The following PDE4B variants were observed in gnomAD, a reference collection of about 807,000 sequenced individuals.
PDE4B encodes the protein 3',5'-cyclic-AMP phosphodiesterase 4B.
In PDE4B, 20 loss-of-function variants were observed where a neutral mutation model predicts 82.2. That is an observed-to-expected ratio of 0.24 (90% CI 0.17 to 0.35). The LOEUF is 0.35. Ranked by LOEUF, PDE4B falls within the 10% of genes least tolerant of loss-of-function variation. PDE4B has a pLI of 1.00. For missense variants in PDE4B, 655 were observed against 907.2 expected (o/e 0.72, Z 3.57); for synonymous variants, 320 against 318.9 (o/e 1.00, Z -0.04).
intron 3 of PDE4B, among the ~76,000 whole-genome samples, chr1:66,095,528 A>G (rs1294574403): frequency 6.6e-6 from 1 of 151,960 alleles, no homozygotes; most frequent in African/African-American, 2.4e-5. Flanking sequence ...AAAAGTACTA[A>G]GTAGTGACAA....
chr1:66,208,762 A>G (rs1032926305), intron 3 of PDE4B, among the ~76,000 whole-genome samples: 1 of 152,250 alleles, frequency 6.6e-6, no homozygotes, highest in African/African-American at 2.4e-5. Flanking sequence ...GAGTAGGTCA[A>G]TTAAATAAAT....
chr1:66,362,734 C>A (rs558796883), intron 10 of PDE4B, among the ~76,000 whole-genome samples: 1 of 152,272 alleles, frequency 6.6e-6, no homozygotes, highest in South Asian at 2.1e-4. Context: ...TCTTCCTGAT[C>A]TGGCCTTCAG....
At chr1:66,200,655 A>T (rs907439153) in intron 3 of PDE4B, among the ~76,000 whole-genome samples, 41 of 152,102 alleles carry the variant, frequency 2.7e-4, no homozygotes, top group African/African-American at 9.4e-4. Flanking sequence ...TTTGTCTGTT[A>T]TTGGTGTATA....
chr1:65,865,084 G>A (rs935586347), intron 1 of PDE4B, among the ~76,000 whole-genome samples: 3 of 152,210 alleles, frequency 2.0e-5, no homozygotes, highest in African/African-American at 7.2e-5. Context: ...ACTGCCCAGT[G>A]AGGAGGAATC....
chr1:66,240,081 T>C (rs1652771869), intron 3 of PDE4B, among the ~76,000 whole-genome samples: 1 of 152,230 alleles, frequency 6.6e-6, no homozygotes, highest in Admixed American at 6.5e-5. Context: ...AGGTGGTATT[T>C]GGTAGCACAT....
rs536543463 is a variant in PDE4B at position 66,171,041 on chromosome 1, C to T, written c.282-76419C>T. ...CAGTGCCTACCTGGCATGATACTTT[C>T]GGGTGGTGTTGATGAGTAAATCAGA... On this transcript the variant is annotated intron_variant, in intron 3 of 16. Transcript: ENST00000341517. Among the ~76,000 whole-genome samples the T allele has an allele frequency of 9.2e-5, 14 of 152,168 alleles. No individual in the cohort carries two copies. In the South Asian group the frequency reaches 1.9e-3, roughly 20 times the overall value.
intron 3 of PDE4B, among the ~76,000 whole-genome samples, chr1:66,210,768 C>A (rs1209866935): frequency 6.6e-6 from 1 of 151,574 alleles, no homozygotes; most frequent in African/African-American, 2.4e-5. Context: ...AGGTCCACAG[C>A]CAAAGTCATA....
intron 3 of PDE4B, among the ~76,000 whole-genome samples, chr1:66,228,597 C>G (rs1651663988): frequency 6.6e-6 from 1 of 151,034 alleles, no homozygotes; most frequent in African/African-American, 2.4e-5. Context: ...CCACTGCACT[C>G]CAGCCTGGGC....
chr1:66,045,188 T>A (rs774180007), intron 3 of PDE4B, among the ~76,000 whole-genome samples: 29 of 151,678 alleles, frequency 1.9e-4, no homozygotes, highest in Non-Finnish European at 3.1e-4. Flanking sequence ...TTTCTTAGTA[T>A]ATGTGCTGCT....
intron 3 of PDE4B, chr1:66,042,848 C>T: frequency 6.6e-6 from 1 of 151,880 alleles, no homozygotes; most frequent in Non-Finnish European, 1.5e-5. Context: ...TTTTGACTCT[C>T]TAATATCTTT....
chr1:66,055,995 C>T (rs928558365), intron 3 of PDE4B, among the ~76,000 whole-genome samples: 1 of 152,186 alleles, frequency 6.6e-6, no homozygotes, highest in African/African-American at 2.4e-5. Context: ...TCTGGCTACA[C>T]TTCCCTAGAA....
intron 3 of PDE4B, among the ~76,000 whole-genome samples, chr1:66,171,031 A>C (rs186728412): frequency 6.6e-6 from 1 of 152,216 alleles, no homozygotes; most frequent in Non-Finnish European, 1.5e-5. Flanking sequence ...CCTACCTGGC[A>C]TGATACTTTC....
At chr1:65,964,513 ACT>A (rs762685028) in intron 3 of PDE4B, among the ~76,000 whole-genome samples, 17 of 152,124 alleles carry the variant, frequency 1.1e-4, no homozygotes, top group Non-Finnish European at 2.5e-4. Context: ...TCACCAGAAA[ACT>A]CTGTGTGTTT....
chr1:65,923,407 T>C (rs1647323061), intron 3 of PDE4B, among the ~76,000 whole-genome samples: 1 of 152,224 alleles, frequency 6.6e-6, no homozygotes, highest in African/African-American at 2.4e-5. Flanking sequence ...TTTCAAGCCC[T>C]TCCCTGCTTA....
At position 66,268,667 on chromosome 1, in the gene PDE4B, C is replaced by CAA. The variant is rs36046564; in HGVS notation, c.634+2603_634+2604dup. ...CAGGTGACAGAGCAAGACTCCATCT[C>CAA]AAAAAAAAAAAAAAAAAAAAAAAAG... is the stretch of plus-strand genomic sequence containing the variant. On this transcript the variant is annotated intron_variant, in intron 7 of 16. Coordinates refer to ENST00000341517, the MANE Select transcript of PDE4B (RefSeq NM_002600.4). 8.6e-3 allele frequency among the ~76,000 whole-genome samples: 526 copies of CAA among 60,880 alleles called. 4 individuals are homozygous for CAA. Among genetic ancestry groups the CAA allele is most frequent in the African/African-American group, 0.016 (218 of 13,826 alleles). 39.9% of individuals were successfully genotyped at this position (60,880 alleles called of 152,430 possible).
chr1:66,255,659 A>G (rs1229827455), intron 4 of PDE4B, among the ~76,000 whole-genome samples: 1 of 152,172 alleles, frequency 6.6e-6, no homozygotes, highest in Admixed American at 6.5e-5. Context: ...AACACTGCTC[A>G]CTCAATCAAG....
At chr1:66,041,448 C>T (rs1654366610) in intron 3 of PDE4B, among the ~76,000 whole-genome samples, 1 of 151,866 alleles carries the variant, frequency 6.6e-6, no homozygotes, top group South Asian at 2.1e-4. Context: ...TTCTTGACCT[C>T]TCTCCTTCTT....
chr1:66,371,445 C>T (rs774456309), intron 16 of PDE4B, among the ~76,000 whole-genome samples: 8 of 152,052 alleles, frequency 5.3e-5, no homozygotes, highest in Non-Finnish European at 7.4e-5. Context: ...AGGAGGCCAG[C>T]GTAAGGCCAC....
intron 3 of PDE4B, among the ~76,000 whole-genome samples, chr1:66,010,143 G>A (rs986871764): frequency 6.6e-6 from 1 of 152,028 alleles, no homozygotes; most frequent in African/African-American, 2.4e-5. Flanking sequence ...AGACAAATGA[G>A]TTGCAGACTG....
Sources: gnomAD v4.1 joint callset for allele counts (sites outside exome capture counted in the v4.1 genomes callset) on GRCh38, gnomAD v4.1.1 for gene constraint, MANE v1.5 for transcripts, NCBI Gene and HGNC (gene_info 2026-07-23, HGNC 2026-07-21) for gene names.